Variants in IL1RAPL1 observed in about 807,000 individuals in gnomAD.
IL1RAPL1 encodes interleukin 1 receptor accessory protein like 1, also known as interleukin-1 receptor accessory protein-like 1.
IL1RAPL1 carries 3 observed loss-of-function variants against 48.4 expected under a neutral mutation model. The ratio of observed to expected loss-of-function variants is 0.06; its 90% CI spans 0.03 to 0.16. The LOEUF is 0.16. Among genes scored for constraint, IL1RAPL1 ranks in the 10% least tolerant of loss-of-function variants. IL1RAPL1 has a pLI of 1.00. For missense variants in IL1RAPL1, 349 were observed against 530.6 expected, an observed-to-expected ratio of 0.66 and a Z score of 3.36; for synonymous variants, 185 against 187.7, an observed-to-expected ratio of 0.99 and a Z score of 0.12.
chrX:29,768,967 T>A (rs987109319), intron 6 of IL1RAPL1, among the ~76,000 whole-genome samples: 1 of 111,439 alleles, frequency 9.0e-6, no homozygotes, highest in Non-Finnish European at 1.9e-5. Flanking sequence ...TGAGGTCCAA[T>A]ATGGCCTCCT....
intron 6 of IL1RAPL1, among the ~76,000 whole-genome samples, chrX:29,805,198 G>A (rs770822342): frequency 9.0e-6 from 1 of 111,620 alleles, no homozygotes; most frequent in African/African-American, 3.3e-5. Context: ...GGATTTGGGA[G>A]CATGTTAAAG....
chrX:29,283,826 A>G (rs186946688), intron 3 of IL1RAPL1, among the ~76,000 whole-genome samples: 169 of 104,090 alleles, frequency 1.6e-3, no homozygotes, highest in Middle Eastern at 0.016. Context: ...GATACCCACC[A>G]TACATCTACA....
chrX:29,711,754 A>G (rs1927359959), intron 6 of IL1RAPL1, among the ~76,000 whole-genome samples: 2 of 111,771 alleles, frequency 1.8e-5, no homozygotes, highest in African/African-American at 6.5e-5. Context: ...ATTCTTCAAC[A>G]TTAAGAAAAT....
intron 5 of IL1RAPL1, among the ~76,000 whole-genome samples, chrX:29,543,166 T>A (rs773205406): frequency 9.2e-6 from 1 of 108,580 alleles, no homozygotes; most frequent in African/African-American, 3.4e-5. Flanking sequence ...TACTGATGAC[T>A]GTAAGTATCT....
chrX:29,137,306 C>T (rs1207120901), intron 2 of IL1RAPL1, among the ~76,000 whole-genome samples: 1 of 109,334 alleles, frequency 9.1e-6, no homozygotes, highest in African/African-American at 3.3e-5. Context: ...AGTATTTTTG[C>T]CAAAACGTAT....
chrX:29,310,512 T>C (rs1454059250), intron 3 of IL1RAPL1, among the ~76,000 whole-genome samples: 4 of 111,367 alleles, frequency 3.6e-5, no homozygotes, highest in African/African-American at 6.5e-5. Context: ...ATAGAAATAA[T>C]TGTCTTTGGA....
intron 1 of IL1RAPL1, among the ~76,000 whole-genome samples, chrX:28,744,218 C>T (rs999057616): frequency 9.0e-6 from 1 of 111,121 alleles, no homozygotes; most frequent in African/African-American, 3.3e-5. Context: ...TTCCATGCAC[C>T]TATGACGGAG....
intron 2 of IL1RAPL1, among the ~76,000 whole-genome samples, chrX:29,001,645 G>A (rs753416248): frequency 9.0e-6 from 1 of 111,464 alleles, no homozygotes; most frequent in African/African-American, 3.3e-5. Context: ...GGAAAATAAG[G>A]TTAAATAAGT....
Position 29,803,044 on chromosome X carries a change from T to C in IL1RAPL1, c.779-114420T>C, listed in dbSNP as rs1356347128. Reference sequence around the variant, plus strand: ...ACATATACATGTATGCATATATACATATATGTGTACATATATATGTATGCA... The same window carrying C: ...ACATATACATGTATGCATATATACACATATGTGTACATATATATGTATGCA... On this transcript the variant is annotated intron_variant, in intron 6 of 10. Transcript: ENST00000378993. Among the ~76,000 whole-genome samples, 4 of 82,252 alleles carry C rather than the reference T, an allele frequency of 4.9e-5. 1 individual carries two copies. The highest frequency in any genetic ancestry group is 5.5e-4 in the South Asian group (1 of 1,813). The allele number at this position is 82,252 out of a possible 115,157, so 71.4% of individuals were successfully genotyped here.
intron 6 of IL1RAPL1, among the ~76,000 whole-genome samples, chrX:29,754,089 C>T (rs1303767147): frequency 1.8e-5 from 2 of 111,464 alleles, no homozygotes; most frequent in Non-Finnish European, 3.8e-5. Context: ...ATTATCTTTG[C>T]TTTTCATTTT....
chrX:29,778,859 T>C (rs749418358), intron 6 of IL1RAPL1, among the ~76,000 whole-genome samples: 246 of 112,164 alleles, frequency 2.2e-3, no homozygotes, highest in African/African-American at 7.7e-3. Flanking sequence ...TAGGATAATA[T>C]TAAAACTTCA....
intron 8 of IL1RAPL1, among the ~76,000 whole-genome samples, chrX:29,939,928 T>C (rs1281388071): frequency 9.6e-6 from 1 of 104,687 alleles, no homozygotes; most frequent in Admixed American, 1.0e-4. Flanking sequence ...AGTGGCGCGA[T>C]CTCAGCTCAC....
At chrX:28,593,490 A>G (rs1933924451) in intron 1 of IL1RAPL1, among the ~76,000 whole-genome samples, 1 of 111,818 alleles carries the variant, frequency 8.9e-6, no homozygotes. Context: ...GCTCATATAT[A>G]TCAAATACGA....
At chrX:29,102,183 A>G (rs902591088) in intron 2 of IL1RAPL1, among the ~76,000 whole-genome samples, 16 of 111,445 alleles carry the variant, frequency 1.4e-4, no homozygotes, top group African/African-American at 5.2e-4. Context: ...CTTCAACACA[A>G]TGAAAGCCAT....
At chrX:28,914,877 C>T (rs1212478151) in intron 2 of IL1RAPL1, among the ~76,000 whole-genome samples, 4 of 112,296 alleles carry the variant, frequency 3.6e-5, no homozygotes, top group Middle Eastern at 4.7e-3. Context: ...TTTGTTTCTT[C>T]TTCTATCCCA....
At chrX:29,378,691 G>A (rs1028056500) in intron 3 of IL1RAPL1, among the ~76,000 whole-genome samples, 1 of 112,295 alleles carries the variant, frequency 8.9e-6, no homozygotes, top group African/African-American at 3.2e-5. Context: ...ATGGTACATA[G>A]GAATAACGGT....
At chrX:29,051,464 G>A (rs762791513) in intron 2 of IL1RAPL1, among the ~76,000 whole-genome samples, 11 of 111,881 alleles carry the variant, frequency 9.8e-5, no homozygotes, top group Admixed American at 5.7e-4. Flanking sequence ...GTCATATGTC[G>A]GAAAGTGAGC....
At chrX:28,789,529 C>A in intron 2 of IL1RAPL1, 104 bp downstream of exon 2, 1 of 592,654 alleles carries the variant, frequency 1.7e-6, no homozygotes, top group Non-Finnish European at 2.9e-6. Context: ...GATCAGTTAT[C>A]AATATTGTGG....
intron 3 of IL1RAPL1, among the ~76,000 whole-genome samples, chrX:29,306,520 T>C (rs1932621722): frequency 3.7e-5 from 2 of 54,428 alleles, no homozygotes; most frequent in Non-Finnish European, 6.2e-5. Flanking sequence ...AGAGCAAGAC[T>C]CTGTCAAAAG....
Sources: gnomAD v4.1 joint callset for allele counts (sites outside exome capture counted in the v4.1 genomes callset) on GRCh38, gnomAD v4.1.1 for gene constraint, MANE v1.5 for transcripts, NCBI Gene and HGNC (gene_info 2026-07-23, HGNC 2026-07-21) for gene names.